AUH: variants seen among roughly 807,000 people sequenced by gnomAD.
AUH encodes methylglutaconyl-CoA hydratase, mitochondrial.
A neutral mutation model predicts 42.3 loss-of-function variants in AUH; 29 were observed. The observed-to-expected ratio is 0.69, with a 90% CI of 0.51 to 0.93. AUH has a LOEUF of 0.93. AUH is among the 40% of genes least tolerant of loss of function. The pLI is 0.00. For synonymous variants in AUH, 174 were observed against 166.4 expected (o/e 1.05, Z -0.35); for missense variants, 452 against 438.1 (o/e 1.03, Z -0.28).
At chr9:91,296,854 A>C (rs1827374740) in intron 5 of AUH, among the ~76,000 whole-genome samples, 1 of 152,238 alleles carries the variant, frequency 6.6e-6, no homozygotes, top group African/African-American at 2.4e-5. Flanking sequence ...ATTGTTCTAA[A>C]AATTTAAAAA....
intron 6 of AUH, among the ~76,000 whole-genome samples, chr9:91,223,669 A>G (rs1424023924): frequency 6.6e-6 from 1 of 152,154 alleles, no homozygotes; most frequent in Non-Finnish European, 1.5e-5. Context: ...TCACCAAACC[A>G]TTTTACATTC....
chr9:91,245,997 C>A (rs987212664), intron 6 of AUH, among the ~76,000 whole-genome samples: 1 of 152,208 alleles, frequency 6.6e-6, no homozygotes, highest in Non-Finnish European at 1.5e-5. Context: ...CTGTCCTGAG[C>A]TGGGAAACCA....
At chr9:91,290,408 C>G (rs962321844) in intron 6 of AUH, among the ~76,000 whole-genome samples, 1 of 152,060 alleles carries the variant, frequency 6.6e-6, no homozygotes, top group Non-Finnish European at 1.5e-5. Context: ...AAGCAAGACC[C>G]TGTCTCCAAA....
Position 91,216,100 on chromosome 9 carries a change from A to T in AUH, c.901T>A (p.Leu301Ile). ...LAINQGMEVD[L>I]VTGLAIEEAC... is the part of the protein sequence containing the mutation. ...TCTTCTATGGCTAACCCTGTTACTA[A>T]ATCGACCTGAGAATAAAAACATAAT... Residue 301 changes from leucine to isoleucine, a missense_variant, in exon 9 of 10, where the codon TTA becomes ATA. Transcript: ENST00000375731. 2.5e-6 allele frequency: 4 copies of T among 1,612,902 alleles called. No individual in the cohort carries two copies. The East Asian group carries it at 8.9e-5, about 36-fold the overall frequency.
At chr9:91,284,181 T>G (rs931933898) in intron 6 of AUH, among the ~76,000 whole-genome samples, 4 of 152,106 alleles carry the variant, frequency 2.6e-5, no homozygotes, top group Non-Finnish European at 5.9e-5. Flanking sequence ...CATCTGATCT[T>G]TGACAAACCT....
chr9:91,299,659 G>A (rs1220756458), intron 4 of AUH, among the ~76,000 whole-genome samples: 2 of 152,138 alleles, frequency 1.3e-5, no homozygotes, highest in Non-Finnish European at 2.9e-5. Flanking sequence ...ACAATATCTA[G>A]TGAATTTTAT....
chr9:91,304,423 A>G (rs1021128331), intron 4 of AUH, among the ~76,000 whole-genome samples: 2 of 152,242 alleles, frequency 1.3e-5, no homozygotes, highest in Admixed American at 1.3e-4. Flanking sequence ...AATAGGGTCC[A>G]ACTCCTCCCT....
At chr9:91,250,514 G>A (rs951460348) in intron 6 of AUH, among the ~76,000 whole-genome samples, 3 of 152,190 alleles carry the variant, frequency 2.0e-5, no homozygotes, top group Admixed American at 6.5e-5. Context: ...GCTGCCAGAT[G>A]TGTGACCTAT....
chr9:91,320,512 G>A (rs577331348), intron 4 of AUH, among the ~76,000 whole-genome samples: 2 of 152,186 alleles, frequency 1.3e-5, no homozygotes, highest in East Asian at 1.9e-4. Context: ...TCTGCACCTC[G>A]CTTCTGATTT....
At position 91,312,010 on chromosome 9, in the gene AUH, C is replaced by CT. The variant is rs57982846; in HGVS notation, c.505+13307dup. Among the ~76,000 whole-genome samples the CT allele has an allele frequency of 1.2e-3, 172 of 142,858 alleles. 1 individual carries two copies. Among genetic ancestry groups the CT allele is most frequent in the African/African-American group, 1.9e-3 (73 of 39,218 alleles). The allele number at this position is 142,858 out of a possible 152,430, so 93.7% of individuals were successfully genotyped here. On this transcript the variant is annotated intron_variant, in intron 4 of 9. Transcript: ENST00000375731. ...AAACATCTCAAAAATAGTCACATGA[C>CT]TTTTTTTTTTTTTTAAAGAACAAAA...
intron 3 of AUH, among the ~76,000 whole-genome samples, chr9:91,336,475 C>T (rs574619101): frequency 6.6e-6 from 1 of 151,762 alleles, no homozygotes; most frequent in Non-Finnish European, 1.5e-5. Flanking sequence ...ACTAAAAACA[C>T]AAAAATAAGC....
At chr9:91,251,029 C>T (rs560830616) in intron 6 of AUH, among the ~76,000 whole-genome samples, 15 of 152,314 alleles carry the variant, frequency 9.8e-5, no homozygotes, top group Non-Finnish European at 1.5e-4. Context: ...CCACCACACA[C>T]GGCTGCAGCA....
intron 1 of AUH, among the ~76,000 whole-genome samples, chr9:91,360,938 T>A (rs1832799610): frequency 6.6e-6 from 1 of 152,218 alleles, no homozygotes; most frequent in South Asian, 2.1e-4. Flanking sequence ...GGAACTGAGC[T>A]GTAACAGTAT....
At chr9:91,254,969 A>G (rs1162268943) in intron 6 of AUH, among the ~76,000 whole-genome samples, 1 of 152,186 alleles carries the variant, frequency 6.6e-6, no homozygotes, top group African/African-American at 2.4e-5. Flanking sequence ...TACAGCATAA[A>G]CTCAAAGGAA....
chr9:91,300,735 C>A (rs547914489), intron 4 of AUH, among the ~76,000 whole-genome samples: 1 of 152,310 alleles, frequency 6.6e-6, no homozygotes, highest in Admixed American at 6.5e-5. Context: ...TAATCTCTTC[C>A]AAAACCTCAG....
chr9:91,346,034 A>C (rs1205192888), intron 3 of AUH, among the ~76,000 whole-genome samples: 1 of 151,958 alleles, frequency 6.6e-6, no homozygotes, highest in East Asian at 1.9e-4. Flanking sequence ...CGTCGTTTTT[A>C]TTCCAGGTTC....
In AUH at chr9:91,356,209, A is replaced by T. The variant is rs1415693800; in HGVS notation, c.263-54T>A. On this transcript the variant is annotated intron_variant, in intron 1 of 9. Transcript: ENST00000375731. ...ACTTGAGTGAGCAAGGCATTCAGAGAACAGACTCTACATCACACATCTAGC... is the reference window on the plus strand; with the variant it reads ...ACTTGAGTGAGCAAGGCATTCAGAGTACAGACTCTACATCACACATCTAGC... The T allele has an allele frequency of 9.9e-6, 14 of 1,417,820 alleles. No homozygotes were observed. In the Admixed American group the frequency reaches 2.4e-4, roughly 24 times the overall value. The allele number at this position is 1,417,820 out of a possible 1,614,324, so 87.8% of individuals were successfully genotyped here.
At chr9:91,357,643 G>A in intron 1 of AUH, 2 of 355,968 alleles carry the variant, frequency 5.6e-6, no homozygotes, top group South Asian at 2.3e-4. Context: ...AATTGATAAT[G>A]GTCTGGGGCA....
At chr9:91,226,909 A>G (rs1263765763) in intron 6 of AUH, among the ~76,000 whole-genome samples, 5 of 137,354 alleles carry the variant, frequency 3.6e-5, no homozygotes, top group South Asian at 5.2e-4. Context: ...CCATTGATCT[A>G]TATCTCTGTT....
Sources: gnomAD v4.1 joint callset for allele counts (sites outside exome capture counted in the v4.1 genomes callset) on GRCh38, gnomAD v4.1.1 for gene constraint, MANE v1.5 for transcripts, NCBI Gene and HGNC (gene_info 2026-07-23, HGNC 2026-07-21) for gene names.